Variants in CALN1 observed in about 807,000 individuals in gnomAD.
CALN1 encodes the protein calneuron 1.
A neutral mutation model predicts 30.6 loss-of-function variants in CALN1; 17 were observed. The ratio of observed to expected loss-of-function variants is 0.56; its 90% CI spans 0.38 to 0.83. The LOEUF (loss-of-function observed/expected upper bound fraction) is 0.83, where lower values mean the gene tolerates loss of function less well. CALN1 is among the 40% of genes least tolerant of loss of function. The probability of loss-of-function intolerance (pLI) is 0.00; values close to 1 mark genes in which losing one functional copy is unlikely to be tolerated. For missense variants in CALN1, 291 were observed against 354.9 expected, an observed-to-expected ratio of 0.82 and a Z score of 1.45; for synonymous variants, 156 against 131.4, an observed-to-expected ratio of 1.19 and a Z score of -1.28.
At chr7:72,113,666 T>G (rs1460313024) in intron 3 of CALN1, among the ~76,000 whole-genome samples, 1 of 152,254 alleles carries the variant, frequency 6.6e-6, no homozygotes, top group East Asian at 1.9e-4. Flanking sequence ...TTTGTTTCTA[T>G]ATGTCTCCAC....
intron 4 of CALN1, among the ~76,000 whole-genome samples, chr7:72,028,616 T>A (rs903562424): frequency 6.6e-6 from 1 of 152,202 alleles, no homozygotes; most frequent in African/African-American, 2.4e-5. Flanking sequence ...AATATTTGCT[T>A]CTAGTCATTT....
intron 5 of CALN1, among the ~76,000 whole-genome samples, chr7:71,835,296 TG>T (rs1562823616): frequency 1.3e-5 from 2 of 152,240 alleles, no homozygotes; most frequent in Non-Finnish European, 2.9e-5. Flanking sequence ...CACTTCCTTC[TG>T]TTTGTCTTAC....
At chr7:71,791,976 A>G (rs1400651019) in intron 6 of CALN1, among the ~76,000 whole-genome samples, 1 of 151,858 alleles carries the variant, frequency 6.6e-6, no homozygotes, top group African/African-American at 2.4e-5. Context: ...GCGCCACTGC[A>G]CTCCAGTCTG....
intron 2 of CALN1, among the ~76,000 whole-genome samples, chr7:72,313,687 G>A (rs774480241): frequency 8.2e-5 from 12 of 146,740 alleles, no homozygotes; most frequent in Non-Finnish European, 9.1e-5. Context: ...ATGAGGCACC[G>A]TGCCCAGCCT....
chr7:71,946,106 G>C (rs1255013752), intron 5 of CALN1, among the ~76,000 whole-genome samples: 1 of 152,184 alleles, frequency 6.6e-6, no homozygotes, highest in Admixed American at 6.5e-5. Context: ...GGCAATTCAA[G>C]TTCCAAAAGG....
At chr7:71,900,382 G>A (rs904361188) in intron 5 of CALN1, among the ~76,000 whole-genome samples, 3 of 152,152 alleles carry the variant, frequency 2.0e-5, no homozygotes, top group African/African-American at 7.2e-5. Flanking sequence ...TCTGTTTGCT[G>A]ATGATATGAT....
chr7:72,032,052 CTTTTTTTT>C (rs1184047697), intron 4 of CALN1, among the ~76,000 whole-genome samples: 33 of 66,568 alleles, frequency 5.0e-4, no homozygotes, highest in Admixed American at 1.6e-3. Context: ...TGGCTCCTGG[CTTTTTTTT>C]TTTTTTTTTT....
intron 5 of CALN1, among the ~76,000 whole-genome samples, chr7:71,951,366 G>A (rs2129524071): frequency 1.3e-5 from 2 of 152,322 alleles, no homozygotes; most frequent in South Asian, 4.1e-4. Context: ...CGAGGCAGCT[G>A]CATCACCTAA....
rs1222947454 is a variant in CALN1 at position 72,391,486 on chromosome 7, A to G, written c.119+11765T>C. 5.4e-5 allele frequency among the ~76,000 whole-genome samples: 8 copies of G among 147,334 alleles called. No homozygotes were observed. The East Asian group carries it at 5.9e-4, about 11-fold the overall frequency. On this transcript the variant is annotated intron_variant, in intron 2 of 6. Transcript: ENST00000395275. ...AAAGGACCCAGCATGATGAAGAAGAAGTGTGGTAGTTTTAAAATATGGCCC... is the reference window on the plus strand; with the variant it reads ...AAAGGACCCAGCATGATGAAGAAGAGGTGTGGTAGTTTTAAAATATGGCCC...
At chr7:72,098,772 A>G (rs895793466) in intron 4 of CALN1, among the ~76,000 whole-genome samples, 39 of 87,942 alleles carry the variant, frequency 4.4e-4, no homozygotes, top group Non-Finnish European at 9.8e-4. Flanking sequence ...GCGCACACAC[A>G]CACACACACA....
At chr7:72,437,099 G>T (rs1808184759) in intron 1 of CALN1, among the ~76,000 whole-genome samples, 1 of 151,714 alleles carries the variant, frequency 6.6e-6, no homozygotes, top group African/African-American at 2.4e-5. Flanking sequence ...ACCTCTAGAT[G>T]ATTTTGGTGC....
chr7:72,338,517 G>GTC (rs1253163754), intron 2 of CALN1, among the ~76,000 whole-genome samples: 55 of 137,740 alleles, frequency 4.0e-4, no homozygotes, highest in African/African-American at 1.7e-3. Context: ...GTGTGTGTGT[G>GTC]TGTGTGTGTG....
At chr7:72,340,542 G>C (rs1802331279) in intron 2 of CALN1, among the ~76,000 whole-genome samples, 2 of 152,160 alleles carry the variant, frequency 1.3e-5, no homozygotes, top group African/African-American at 4.8e-5. Flanking sequence ...CTCTTGGTTG[G>C]TGCCCTGCAA....
chr7:71,911,329 C>T (rs1584495063), intron 5 of CALN1, among the ~76,000 whole-genome samples: 1 of 151,810 alleles, frequency 6.6e-6, no homozygotes, highest in East Asian at 1.9e-4. Flanking sequence ...TGGCATTGAT[C>T]TGAGGGTATG....
At chr7:72,066,958 T>G (rs1804063901) in intron 4 of CALN1, among the ~76,000 whole-genome samples, 1 of 151,930 alleles carries the variant, frequency 6.6e-6, no homozygotes. Flanking sequence ...ATTTTTTTTT[T>G]TTTGTATTTT....
At chr7:71,963,271 T>C (rs1198590442) in intron 5 of CALN1, among the ~76,000 whole-genome samples, 2 of 152,166 alleles carry the variant, frequency 1.3e-5, no homozygotes, top group Non-Finnish European at 2.9e-5. Flanking sequence ...CAAGCGATTC[T>C]CCTGCCTCAG....
intron 3 of CALN1, among the ~76,000 whole-genome samples, chr7:72,157,735 T>C (rs1281026475): frequency 1.3e-5 from 2 of 151,916 alleles, no homozygotes; most frequent in African/African-American, 2.4e-5. Flanking sequence ...GTTAGTCAGT[T>C]AGTTTGTTTG....
chr7:71,954,140 A>G (rs1796840660), intron 5 of CALN1, among the ~76,000 whole-genome samples: 1 of 151,924 alleles, frequency 6.6e-6, no homozygotes, highest in African/African-American at 2.4e-5. Flanking sequence ...CGTGGGCAAC[A>G]TAGCAAGACA....
chr7:72,393,696 G>C (rs1013564240), intron 2 of CALN1, among the ~76,000 whole-genome samples: 1 of 151,622 alleles, frequency 6.6e-6, no homozygotes, highest in African/African-American at 2.4e-5. Flanking sequence ...CCTTTTGAAG[G>C]AATCAGGTGC....
Sources: gnomAD v4.1 joint callset for allele counts (sites outside exome capture counted in the v4.1 genomes callset) on GRCh38, gnomAD v4.1.1 for gene constraint, MANE v1.5 for transcripts, NCBI Gene and HGNC (gene_info 2026-07-23, HGNC 2026-07-21) for gene names.